DPH6: variants seen among roughly 807,000 people sequenced by gnomAD.
The protein encoded by DPH6 is diphthine--ammonia ligase.
A neutral mutation model predicts 38.2 loss-of-function variants in DPH6; 33 were observed. The observed-to-expected ratio is 0.86, with a 90% CI of 0.65 to 1.15. The LOEUF (loss-of-function observed/expected upper bound fraction) is 1.15, where lower values mean the gene tolerates loss of function less well. Ranked by LOEUF, DPH6 falls within the 50% of genes most tolerant of loss-of-function variation. The probability of loss-of-function intolerance (pLI) is 0.00; values close to 1 mark genes in which losing one functional copy is unlikely to be tolerated. For missense variants in DPH6, 325 were observed against 320.0 expected, an observed-to-expected ratio of 1.02 and a Z score of -0.12; for synonymous variants, 108 against 103.0, an observed-to-expected ratio of 1.05 and a Z score of -0.30.
chr15:35,403,317 TG>T (rs1454645627), intron 6 of DPH6, among the ~76,000 whole-genome samples: 1 of 152,158 alleles, frequency 6.6e-6, no homozygotes, highest in African/African-American at 2.4e-5. Context: ...CATTAAAAAT[TG>T]TTTAATTTTA....
chr15:35,233,123 T>C (rs1595438527), intron 3 of DPH6, among the ~76,000 whole-genome samples: 1 of 152,040 alleles, frequency 6.6e-6, no homozygotes, highest in Non-Finnish European at 1.5e-5. Flanking sequence ...GCCTGGCCAA[T>C]GTGGTGAAAC....
chr15:35,171,959 C>G, the DPH6 span, among the ~76,000 whole-genome samples: 9 of 151,998 alleles, frequency 5.9e-5, no homozygotes, highest in African/African-American at 2.2e-4. Context: ...CCTCTGGCTC[C>G]CAGATTCAAG....
chr15:35,337,026 A>G (rs2052378694), intron 3 of DPH6, among the ~76,000 whole-genome samples: 1 of 152,104 alleles, frequency 6.6e-6, no homozygotes, highest in South Asian at 2.1e-4. Flanking sequence ...GAATGGTACC[A>G]GTTCCTCCTT....
chr15:35,450,710 T>A lies in DPH6; in HGVS notation c.480A>T (p.Ala160=). The A allele has an allele frequency of 6.2e-7, 1 of 1,613,294 alleles. No individual in the cohort carries two copies. Among genetic ancestry groups the A allele is most frequent in the Non-Finnish European group, 8.5e-7 (1 of 1,179,632 alleles). The change falls in exon 5 of 9, where the codon GCA becomes GCT. Residue 160 remains alanine (A), a synonymous_variant. Transcript: ENST00000256538. ...LREMISSNIQ[A]MIIKVAALGL... ...CCAAAGCTGCTACTTTGATGATCAT[T>A]GCTTGAATGTTAGATGATATCATCT... is the stretch of plus-strand genomic sequence containing the variant.
At chr15:35,503,788 G>C (rs1164400071) in intron 3 of DPH6, among the ~76,000 whole-genome samples, 1 of 152,056 alleles carries the variant, frequency 6.6e-6, no homozygotes, top group African/African-American at 2.4e-5. Context: ...CTACGAGGTA[G>C]GCTATTTTAA....
intron 3 of DPH6, among the ~76,000 whole-genome samples, chr15:35,480,979 A>T (rs1452365178): frequency 8.1e-4 from 2 of 2,472 alleles, no homozygotes; most frequent in Non-Finnish European, 1.5e-3. Context: ...GGTATTCTTT[A>T]AAAAAAAAAA....
At chr15:35,523,664 C>T (rs963684013) in intron 3 of DPH6, among the ~76,000 whole-genome samples, 4 of 152,004 alleles carry the variant, frequency 2.6e-5, no homozygotes, top group Admixed American at 6.6e-5. Context: ...TCTGTTATTC[C>T]AAGGAACAAT....
chr15:35,457,568 G>C (rs1379846350), intron 3 of DPH6, among the ~76,000 whole-genome samples: 1 of 152,156 alleles, frequency 6.6e-6, no homozygotes, highest in Non-Finnish European at 1.5e-5. Flanking sequence ...AAATTGCTGG[G>C]ATTACAGGTG....
intron 6 of DPH6, among the ~76,000 whole-genome samples, chr15:35,391,328 C>CTA (rs1261386699): frequency 2.0e-5 from 3 of 152,298 alleles, no homozygotes; most frequent in Non-Finnish European, 4.4e-5. Flanking sequence ...ATTCTCAGAT[C>CTA]CCAAGCTGCA....
chr15:35,291,524 T>C lies in DPH6; in HGVS notation n.201-70942A>G, dbSNP rs16960755. ...CTCTTGTCTTTATGGAGGCCTGTTA[T>C]TTGTTAATTTTTGGCTCTTCTTTCA... On this transcript the variant is annotated intron_variant and non_coding_transcript_variant, in intron 3 of 3. Coordinates refer to the DPH6 transcript ENST00000560386. Among the ~76,000 whole-genome samples the C allele has an allele frequency of 2.6e-4, 40 of 152,280 alleles. 1 individual carries two copies. The East Asian group carries it at 7.1e-3, about 27-fold the overall frequency.
chr15:35,502,947 C>T (rs961845920), intron 3 of DPH6, among the ~76,000 whole-genome samples: 2 of 147,528 alleles, frequency 1.4e-5, no homozygotes, highest in Non-Finnish European at 3.0e-5. Flanking sequence ...TATATATATA[C>T]ACACACACAT....
At chr15:35,356,237 C>T (rs1399652534) in intron 3 of DPH6, among the ~76,000 whole-genome samples, 1 of 152,162 alleles carries the variant, frequency 6.6e-6, no homozygotes, top group Non-Finnish European at 1.5e-5. Context: ...AACTTCCTCC[C>T]TTAGCTCAGA....
intron 3 of DPH6, among the ~76,000 whole-genome samples, chr15:35,534,704 TGA>T (rs1365222886): frequency 7.2e-5 from 11 of 151,942 alleles, no homozygotes; most frequent in African/African-American, 2.4e-4. Context: ...ATGTGACTAG[TGA>T]GAGTGTCAGC....
downstream of DPH6, among the ~76,000 whole-genome samples, chr15:35,213,785 C>G (rs1022256491): frequency 6.6e-6 from 1 of 152,204 alleles, no homozygotes; most frequent in East Asian, 1.9e-4. Flanking sequence ...CCACGCAGTG[C>G]TTACCTATCC....
intron 3 of DPH6, among the ~76,000 whole-genome samples, chr15:35,285,080 G>A (rs2051931545): frequency 6.6e-6 from 1 of 151,922 alleles, no homozygotes; most frequent in African/African-American, 2.4e-5. Flanking sequence ...AAACTGTTAG[G>A]ATTACAGGTG....
At chr15:35,237,416 G>A in intron 3 of DPH6, 1 of 1,605,666 alleles carries the variant, frequency 6.2e-7, no homozygotes. Flanking sequence ...TCGGTCGAAT[G>A]AAGGCAAACT....
chr15:35,489,069 G>T (rs1331511116), intron 3 of DPH6, among the ~76,000 whole-genome samples: 1 of 152,100 alleles, frequency 6.6e-6, no homozygotes, highest in Non-Finnish European at 1.5e-5. Flanking sequence ...GTAAGATGAT[G>T]TCCCTCTGTC....
chr15:35,325,551 C>T (rs1404673389), intron 3 of DPH6, among the ~76,000 whole-genome samples: 5 of 152,130 alleles, frequency 3.3e-5, no homozygotes, highest in Non-Finnish European at 7.4e-5. Flanking sequence ...AACCTAACCT[C>T]ACTCCATCCA....
rs1324799377 is a variant in DPH6, at chr15:35,256,403, TG to T, written n.201-35822del. ...TTGTTCTTTGATTTGGGTTTTCTAA[TG>T]TTTTTCTCATGGTTAAACCACAGTT... On this transcript the variant is annotated intron_variant and non_coding_transcript_variant, in intron 3 of 3. Transcript: ENST00000560386. 5.9e-5 allele frequency among the ~76,000 whole-genome samples: 9 copies of T among 152,206 alleles called. 1 individual carries two copies. Among genetic ancestry groups the T allele is most frequent in the South Asian group, 4.1e-4 (2 of 4,832 alleles).
Sources: gnomAD v4.1 joint callset for allele counts (sites outside exome capture counted in the v4.1 genomes callset) on GRCh38, gnomAD v4.1.1 for gene constraint, MANE v1.5 for transcripts, NCBI Gene and HGNC (gene_info 2026-07-23, HGNC 2026-07-21) for gene names.